The following TINAG variants were observed in gnomAD, a reference collection of about 807,000 sequenced individuals.
The protein encoded by TINAG is tubulointerstitial nephritis antigen.
A neutral mutation model predicts 72.7 loss-of-function variants in TINAG; 83 were observed. The ratio of observed to expected loss-of-function variants is 1.14; its 90% CI spans 0.96 to 1.37. The LOEUF (loss-of-function observed/expected upper bound fraction) is 1.37, where lower values mean the gene tolerates loss of function less well. TINAG is among the 40% of genes most tolerant of loss of function. The pLI, the probability that TINAG is intolerant of heterozygous loss-of-function variation, is 0.00. For synonymous variants in TINAG, 234 were observed against 189.9 expected (o/e 1.23, Z -1.91); for missense variants, 685 against 576.6 (o/e 1.19, Z -1.93).
chr6:54,351,489 A>G lies in TINAG; in HGVS notation c.1126+92A>G, dbSNP rs1054380907. 2.1e-5 allele frequency: 27 copies of G among 1,266,882 alleles called. No homozygotes were observed. The African/African-American group carries it at 4.0e-4, about 19-fold the overall frequency. The allele number at this position is 1,266,882 out of a possible 1,614,324, so 78.5% of individuals were successfully genotyped here. ...ATGTAATAGGAGTTTAATAAAATAAAGAAAATTTTTACTTTAAGAGTATCC... is the reference window on the plus strand; with the variant it reads ...ATGTAATAGGAGTTTAATAAAATAAGGAAAATTTTTACTTTAAGAGTATCC... On this transcript the variant is annotated intron_variant, in intron 8 of 10. Transcript: ENST00000259782.
chr6:54,309,645 G>A (rs1197286414), intron 1 of TINAG, among the ~76,000 whole-genome samples: 5 of 152,004 alleles, frequency 3.3e-5, no homozygotes, highest in Non-Finnish European at 7.4e-5. Flanking sequence ...GCATAGATGA[G>A]GCTTTATTTT....
chr6:54,386,820 C>T (rs1429917142), intron 10 of TINAG, among the ~76,000 whole-genome samples: 3 of 151,688 alleles, frequency 2.0e-5, no homozygotes, highest in East Asian at 1.9e-4. Flanking sequence ...TAAAGTTTCT[C>T]GAAGAAAACA....
intron 9 of TINAG, among the ~76,000 whole-genome samples, chr6:54,364,782 A>C (rs1449154886): frequency 5.3e-5 from 8 of 151,372 alleles, no homozygotes; most frequent in African/African-American, 1.7e-4. Context: ...CTATCTATCT[A>C]TCTATCTATC....
At chr6:54,342,361 CTTTTT>C (rs70983413) in intron 4 of TINAG, among the ~76,000 whole-genome samples, 1 of 140,590 alleles carries the variant, frequency 7.1e-6, no homozygotes, top group Non-Finnish European at 1.6e-5. Context: ...TTCCTGAAGT[CTTTTT>C]TTTTTTTTTT....
At chr6:54,366,261 T>C (rs975506566) in intron 9 of TINAG, among the ~76,000 whole-genome samples, 5 of 151,338 alleles carry the variant, frequency 3.3e-5, no homozygotes, top group Admixed American at 6.6e-5. Context: ...TGTATGTGTG[T>C]GTGTGTGTGT....
intron 4 of TINAG, among the ~76,000 whole-genome samples, chr6:54,334,707 A>G (rs908777972): frequency 5.3e-5 from 8 of 152,196 alleles, no homozygotes; most frequent in Non-Finnish European, 7.3e-5. Flanking sequence ...CCCTTAGTAG[A>G]GTTCCTGAAT....
chr6:54,349,052 G>A (rs1368014898), intron 6 of TINAG, among the ~76,000 whole-genome samples: 1 of 151,654 alleles, frequency 6.6e-6, no homozygotes, highest in Non-Finnish European at 1.5e-5. Flanking sequence ...TTTCTACTTT[G>A]CTATGTTTAC....
Position 54,308,764 on chromosome 6 carries a change from A to G in TINAG, c.214A>G (p.Thr72Ala). 3.1e-6 allele frequency: 5 copies of G among 1,613,894 alleles called. No homozygotes were observed. The highest frequency in any genetic ancestry group is 4.2e-6 in the Non-Finnish European group (5 of 1,179,892). ...TGAAGACAGAGATGATGGCTGTGTC[A>G]CTGAGTTCTATGCGGCGAATGCGTT... The part of the protein sequence containing the change: ...CCEDRDDGCV[T>A]EFYAANALCY... Residue 72 changes from threonine to alanine, a missense_variant, in exon 1 of 11, where the codon ACT becomes GCT. Transcript: ENST00000259782.
intron 1 of TINAG, among the ~76,000 whole-genome samples, chr6:54,316,699 A>G (rs796337389): frequency 2.1e-4 from 32 of 152,314 alleles, no homozygotes; most frequent in Middle Eastern, 3.4e-3. Flanking sequence ...TTTGACCAGC[A>G]TAGATACTTA....
At chr6:54,351,030 T>G (rs1274575646) in intron 7 of TINAG, among the ~76,000 whole-genome samples, 1 of 151,906 alleles carries the variant, frequency 6.6e-6, no homozygotes, top group African/African-American at 2.4e-5. Context: ...AACAATCATT[T>G]GGGATATCTC....
intron 1 of TINAG, among the ~76,000 whole-genome samples, chr6:54,312,372 G>C (rs2150928294): frequency 6.6e-6 from 1 of 152,126 alleles, no homozygotes; most frequent in African/African-American, 2.4e-5. Context: ...TTATTCATGA[G>C]AGCTCATATC....
intron 2 of TINAG, 121 bp downstream of exon 2, chr6:54,320,763 T>G (rs1291006881): frequency 1.5e-6 from 1 of 676,672 alleles, no homozygotes; most frequent in East Asian, 2.7e-5. Flanking sequence ...TCATACATCA[T>G]AAGACATCAT....
chr6:54,381,396 A>G (rs569814888), intron 10 of TINAG, among the ~76,000 whole-genome samples: 1 of 151,910 alleles, frequency 6.6e-6, no homozygotes, highest in African/African-American at 2.4e-5. Context: ...ATGTGGTAAT[A>G]CTTACCATGG....
intron 10 of TINAG, among the ~76,000 whole-genome samples, chr6:54,387,696 C>T (rs947696817): frequency 6.6e-6 from 1 of 152,040 alleles, no homozygotes; most frequent in African/African-American, 2.4e-5. Context: ...TACACTTTAT[C>T]TATGTGACTG....
chr6:54,364,571 T>G (rs1473211620), intron 9 of TINAG, among the ~76,000 whole-genome samples: 1 of 151,468 alleles, frequency 6.6e-6, no homozygotes, highest in Non-Finnish European at 1.5e-5. Context: ...TCAGTGATTT[T>G]AGGATTCTTT....
At chr6:54,384,220 A>G (rs531026254) in intron 10 of TINAG, among the ~76,000 whole-genome samples, 1 of 152,132 alleles carries the variant, frequency 6.6e-6, no homozygotes, top group Admixed American at 6.6e-5. Flanking sequence ...GGGGGCTAGG[A>G]GAGGGATAGC....
intron 6 of TINAG, among the ~76,000 whole-genome samples, chr6:54,348,637 A>T (rs923879993): frequency 1.3e-5 from 2 of 152,022 alleles, no homozygotes; most frequent in African/African-American, 4.8e-5. Context: ...TAAGGGCACT[A>T]ATCGTATCTA....
intron 10 of TINAG, among the ~76,000 whole-genome samples, chr6:54,380,981 A>T (rs1180079530): frequency 8.5e-6 from 1 of 117,472 alleles, no homozygotes; most frequent in Non-Finnish European, 1.6e-5. Flanking sequence ...AACCTATAGG[A>T]TATATATATA....
chr6:54,363,778 G>A (rs770786285), intron 9 of TINAG, among the ~76,000 whole-genome samples: 1 of 151,404 alleles, frequency 6.6e-6, no homozygotes, highest in Non-Finnish European at 1.5e-5. Flanking sequence ...AGTTTACAGA[G>A]ACAGAGTGGG....
Sources: allele counts gnomAD v4.1 joint callset (sites outside exome capture counted in the v4.1 genomes callset), GRCh38; gene constraint gnomAD v4.1.1; transcripts MANE v1.5; gene names NCBI Gene and HGNC (gene_info 2026-07-23, HGNC 2026-07-21).